Variants in LARP1 observed in about 807,000 individuals in gnomAD.
LARP1 encodes the protein la-related protein 1.
LARP1 carries 36 observed loss-of-function variants against 122.7 expected under a neutral mutation model. That is an observed-to-expected ratio of 0.29 (90% CI 0.22 to 0.39). The LOEUF is 0.39. Among genes scored for constraint, LARP1 ranks in the 10% least tolerant of loss-of-function variants. The probability of loss-of-function intolerance (pLI) is 1.00; values close to 1 mark genes in which losing one functional copy is unlikely to be tolerated. For missense variants in LARP1, 1,040 were observed against 1,403.6 expected, an observed-to-expected ratio of 0.74 and a Z score of 4.14; for synonymous variants, 539 against 528.7, an observed-to-expected ratio of 1.02 and a Z score of -0.27.
chr5:154,725,331 G>C (rs1456913700), intron 1 of LARP1, among the ~76,000 whole-genome samples: 1 of 149,186 alleles, frequency 6.7e-6, no homozygotes, highest in Admixed American at 6.7e-5. Flanking sequence ...GGAGGTTGCA[G>C]TAAGCTGAAA....
At chr5:154,783,472 T>G (rs1756624314) in intron 1 of LARP1, among the ~76,000 whole-genome samples, 1 of 152,204 alleles carries the variant, frequency 6.6e-6, no homozygotes, top group Non-Finnish European at 1.5e-5. Context: ...CAGGCATCCC[T>G]GCTATTGAGA....
intron 1 of LARP1, among the ~76,000 whole-genome samples, chr5:154,689,943 G>T (rs1454675509): frequency 1.3e-5 from 2 of 152,166 alleles, no homozygotes; most frequent in African/African-American, 4.8e-5. Flanking sequence ...GCTGGGCGTG[G>T]TGGCACGCGC....
chr5:154,707,667 C>G (rs888792777), intron 1 of LARP1, among the ~76,000 whole-genome samples: 1 of 152,142 alleles, frequency 6.6e-6, no homozygotes, highest in South Asian at 2.1e-4. Context: ...ATGATTCAAG[C>G]ACATTACATT....
rs1402860024 is a variant in LARP1 at position 154,699,234 on chromosome 5, T to C, written c.-180+16197T>C. 4.6e-5 allele frequency among the ~76,000 whole-genome samples: 7 copies of C among 152,368 alleles called. No individual in the cohort carries two copies. In the South Asian group the frequency reaches 6.2e-4, roughly 14 times the overall value. On this transcript the variant is annotated intron_variant, in intron 1 of 18. Transcript: ENST00000687700. ...TGAGGTTCTGTGGGAATAATTTCAC[T>C]GTGAAGGACACAAACACTTCAATGG...
At chr5:154,694,748 T>C (rs1290392577) in intron 1 of LARP1, among the ~76,000 whole-genome samples, 2 of 152,256 alleles carry the variant, frequency 1.3e-5, no homozygotes, top group African/African-American at 4.8e-5. Flanking sequence ...TTTAAAATGC[T>C]TTAGCCACAG....
At position 154,790,665 on chromosome 5, in the gene LARP1, A is replaced by G; in HGVS notation, c.519A>G (p.Ala173=). 6.2e-7 allele frequency: 1 copy of G among 1,614,156 alleles called. No individual in the cohort carries two copies. Among genetic ancestry groups the G allele is most frequent in the Non-Finnish European group, 8.5e-7 (1 of 1,180,022 alleles). ...KGSKVGDFGD[A]INWPTPGEIA... ...TGCAGGTTGGTGACTTTGGAGATGC[A>G]ATCAATTGGCCCACACCTGGAGAGA... Residue 173 remains alanine (A), a synonymous_variant, in exon 3 of 19, where the codon GCA becomes GCG. Coordinates refer to ENST00000518297, the MANE Select transcript of LARP1 (RefSeq NM_033551.3).
intron 16 of LARP1, among the ~76,000 whole-genome samples, chr5:154,810,679 G>C (rs1399766842): frequency 6.6e-6 from 1 of 151,890 alleles, no homozygotes; most frequent in East Asian, 2.0e-4. Flanking sequence ...TAGAGATGGG[G>C]TTTCACCATG....
Position 154,802,441 on chromosome 5 carries a change from C to T in LARP1, c.2109+42C>T. The T allele has an allele frequency of 6.5e-7, 1 of 1,534,568 alleles. No homozygotes were observed. The highest frequency in any genetic ancestry group is 8.7e-7 in the Non-Finnish European group (1 of 1,142,922). On this transcript the variant is annotated intron_variant, in intron 11 of 18. Transcript: ENST00000518297. This position sits in a 1 kb window ranked among gnomAD's most constrained non-coding sequence, Gnocchi z 5.1. ...GCAGTGAGTGTGGAGCCTGGTGTGCCTGTATTGTACGGAGAAGAGGAAGCC... is the reference window on the plus strand; with the variant it reads ...GCAGTGAGTGTGGAGCCTGGTGTGCTTGTATTGTACGGAGAAGAGGAAGCC...
intron 1 of LARP1, among the ~76,000 whole-genome samples, chr5:154,784,037 C>G (rs558728904): frequency 2.6e-5 from 4 of 152,322 alleles, no homozygotes; most frequent in African/African-American, 9.6e-5. Context: ...GGCCTGCGTT[C>G]CTCTGGGAGC....
At chr5:154,793,119 A>G (rs940686538) in intron 4 of LARP1, among the ~76,000 whole-genome samples, 4 of 152,234 alleles carry the variant, frequency 2.6e-5, no homozygotes, top group Non-Finnish European at 5.9e-5. Context: ...GAATCCCTTC[A>G]GCTTGCTGTG....
At position 154,747,449 on chromosome 5, in the gene LARP1, G is replaced by A. The variant is rs568469900; in HGVS notation, c.205+34319G>A. Among the ~76,000 whole-genome samples, 4 of 152,118 alleles carry A rather than the reference G, an allele frequency of 2.6e-5. No individual in the cohort carries two copies. The South Asian group carries it at 8.3e-4, about 32-fold the overall frequency. ...CCAGGTGCGGTGGCTCATGCCTGTAGTAATCCCAGCACTTTGGGAGGCTGA... is the reference window on the plus strand; with the variant it reads ...CCAGGTGCGGTGGCTCATGCCTGTAATAATCCCAGCACTTTGGGAGGCTGA... On this transcript the variant is annotated intron_variant, in intron 1 of 18. Coordinates refer to the LARP1 transcript ENST00000336314.
intron 1 of LARP1, among the ~76,000 whole-genome samples, chr5:154,685,527 G>C (rs760145739): frequency 6.6e-6 from 1 of 152,172 alleles, no homozygotes; most frequent in African/African-American, 2.4e-5. Flanking sequence ...AGGGTTTAGC[G>C]TAGAAAGTGG....
chr5:154,743,078 A>G (rs1022816478), intron 1 of LARP1, among the ~76,000 whole-genome samples: 1 of 152,122 alleles, frequency 6.6e-6, no homozygotes, highest in Non-Finnish European at 1.5e-5. Flanking sequence ...ACAGCCAAAC[A>G]CTCATTTAAC....
At chr5:154,686,293 C>T (rs1470139402) in intron 1 of LARP1, among the ~76,000 whole-genome samples, 5 of 152,094 alleles carry the variant, frequency 3.3e-5, no homozygotes, top group East Asian at 1.9e-4. Flanking sequence ...CTTCTGGCTG[C>T]GGGGATGCTC....
At chr5:154,726,328 A>G (rs1018633164) in intron 1 of LARP1, among the ~76,000 whole-genome samples, 8 of 152,204 alleles carry the variant, frequency 5.3e-5, no homozygotes, top group Non-Finnish European at 1.5e-5. Flanking sequence ...AATACCATCC[A>G]GGGCCTCAGG....
intron 1 of LARP1, among the ~76,000 whole-genome samples, chr5:154,687,267 A>G (rs188787030): frequency 6.6e-6 from 1 of 152,382 alleles, no homozygotes; most frequent in Admixed American, 6.5e-5. Context: ...AGAACATAGA[A>G]AAATAAAGAT....
At chr5:154,791,989 T>A in intron 3 of LARP1, 1 of 455,948 alleles carries the variant, frequency 2.2e-6, no homozygotes, top group South Asian at 1.5e-5. Context: ...TAGCCCTTGA[T>A]GGCCAAGTGG....
chr5:154,688,653 C>CAAA (rs10677648), intron 1 of LARP1, among the ~76,000 whole-genome samples: 44,672 of 79,058 alleles, frequency 0.57, 12,488 homozygotes, highest in Non-Finnish European at 0.65. Flanking sequence ...GACTCCATCT[C>CAAA]AAAAAAAAAA....
At chr5:154,790,523 G>T in intron 2 of LARP1, 122 bp from the exon 3 acceptor site, 2 of 1,286,840 alleles carry the variant, frequency 1.6e-6, no homozygotes, top group Non-Finnish European at 2.2e-6. Context: ...TAGGTATCCA[G>T]TGTGAATGGT....
Sources: gnomAD v4.1 joint callset for allele counts (sites outside exome capture counted in the v4.1 genomes callset) on GRCh38, gnomAD v4.1.1 for gene constraint, Gnocchi (gnomAD v3.1) non-coding constraint, MANE v1.5 for transcripts, NCBI Gene and HGNC (gene_info 2026-07-23, HGNC 2026-07-21) for gene names.